The following SGCZ variants were observed in gnomAD, a reference collection of about 807,000 sequenced individuals.
The protein encoded by SGCZ is sarcoglycan zeta.
Under a neutral mutation model 41.3 loss-of-function variants are expected in SGCZ, and 40 were observed. The ratio of observed to expected loss-of-function variants is 0.97; its 90% CI spans 0.75 to 1.26. SGCZ has a LOEUF of 1.26. Among genes scored for constraint, SGCZ ranks in the 50% most tolerant of loss-of-function variants. The probability of loss-of-function intolerance (pLI) is 0.00; values close to 1 mark genes in which losing one functional copy is unlikely to be tolerated. For synonymous variants in SGCZ, 206 were observed against 137.5 expected (o/e 1.50, Z -3.49); for missense variants, 552 against 369.8 (o/e 1.49, Z -4.04).
chr8:14,152,027 A>C (rs1380235789), intron 5 of SGCZ, among the ~76,000 whole-genome samples: 1 of 152,162 alleles, frequency 6.6e-6, no homozygotes, highest in East Asian at 1.9e-4. Flanking sequence ...AGTTAGGCAC[A>C]TAGTTCTTAT....
intron 1 of SGCZ, among the ~76,000 whole-genome samples, chr8:14,823,055 T>TTA (rs1491314386): frequency 2.6e-5 from 2 of 75,488 alleles, no homozygotes; most frequent in African/African-American, 9.1e-5. Context: ...CCAATCCTCA[T>TTA]AAAAAAAAAA....
intron 1 of SGCZ, among the ~76,000 whole-genome samples, chr8:15,178,618 C>T (rs1370134295): frequency 6.6e-6 from 1 of 152,216 alleles, no homozygotes; most frequent in Non-Finnish European, 1.5e-5. Context: ...ACTTATTCAT[C>T]TTGCTCAGCT....
chr8:14,808,489 T>C (rs1218515073), intron 1 of SGCZ, among the ~76,000 whole-genome samples: 1 of 152,048 alleles, frequency 6.6e-6, no homozygotes. Context: ...AAAATGATCA[T>C]CACTGGCCAT....
chr8:14,359,982 A>G (rs1004279606), intron 2 of SGCZ, among the ~76,000 whole-genome samples: 2 of 152,338 alleles, frequency 1.3e-5, no homozygotes, highest in East Asian at 1.9e-4. Flanking sequence ...AATGTGATAT[A>G]TCATATCAAC....
intron 5 of SGCZ, among the ~76,000 whole-genome samples, chr8:14,158,195 T>C (rs1803934796): frequency 6.6e-6 from 1 of 152,186 alleles, no homozygotes; most frequent in African/African-American, 2.4e-5. Context: ...ATTCATACTT[T>C]GTACAGTACA....
chr8:14,926,790 G>T (rs185926807), intron 1 of SGCZ, among the ~76,000 whole-genome samples: 2 of 151,882 alleles, frequency 1.3e-5, no homozygotes, highest in East Asian at 3.9e-4. Flanking sequence ...ACAGGCATGC[G>T]CCACCACACC....
intron 1 of SGCZ, among the ~76,000 whole-genome samples, chr8:14,791,438 T>C (rs904665179): frequency 6.6e-6 from 1 of 151,880 alleles, no homozygotes; most frequent in Admixed American, 6.6e-5. Flanking sequence ...TGAACAAATC[T>C]AGCTCACACA....
chr8:14,635,276 CT>C (rs1213144434), intron 1 of SGCZ, among the ~76,000 whole-genome samples: 1 of 151,764 alleles, frequency 6.6e-6, no homozygotes, highest in Non-Finnish European at 1.5e-5. Flanking sequence ...AATCTGTTGT[CT>C]TTCTTATGAA....
In SGCZ at chr8:14,862,579, T is replaced by TAC. The variant is rs1554513574; in HGVS notation, c.40-307654_40-307653insGT. Among the ~76,000 whole-genome samples, 97 of 96,062 alleles carry TAC rather than the reference T, an allele frequency of 1.0e-3. 2 individuals carry two copies. Among genetic ancestry groups the TAC allele is most frequent in the Admixed American group, 2.6e-3 (23 of 8,974 alleles). 63.0% of individuals were successfully genotyped at this position (96,062 alleles called of 152,430 possible). A position where few individuals can be genotyped will look rare whatever the true frequency, so the allele number is the denominator to read the frequency against. On this transcript the variant is annotated intron_variant, in intron 1 of 7. Transcript: ENST00000382080. ...ATATATATATATATATATATATATATATACACACACAATTGCAAAACATAC... is the reference window on the plus strand; with the variant it reads ...ATATATATATATATATATATATATATACATACACACACAATTGCAAAACATAC...
At chr8:15,013,590 G>T (rs754560491) in intron 1 of SGCZ, among the ~76,000 whole-genome samples, 1 of 152,068 alleles carries the variant, frequency 6.6e-6, no homozygotes, top group Non-Finnish European at 1.5e-5. Flanking sequence ...GTGAAAGGCT[G>T]CATGGTGTTG....
chr8:14,462,089 A>G (rs984813699), intron 2 of SGCZ, among the ~76,000 whole-genome samples: 1 of 152,054 alleles, frequency 6.6e-6, no homozygotes, highest in Non-Finnish European at 1.5e-5. Context: ...ATATCATTCT[A>G]TATTATCCAG....
chr8:14,746,251 C>A (rs971709548), intron 1 of SGCZ, among the ~76,000 whole-genome samples: 3 of 151,984 alleles, frequency 2.0e-5, no homozygotes, highest in African/African-American at 4.8e-5. Context: ...CTTTTTATTC[C>A]ATTTGTTCTT....
At chr8:14,205,924 T>G (rs1455363278) in intron 4 of SGCZ, among the ~76,000 whole-genome samples, 1 of 152,164 alleles carries the variant, frequency 6.6e-6, no homozygotes, top group African/African-American at 2.4e-5. Context: ...CATTTTTCTC[T>G]ATTTTACATA....
At position 15,035,313 on chromosome 8, in the gene SGCZ, T is replaced by C. The variant is rs74933598; in HGVS notation, c.39+202272A>G. Among the ~76,000 whole-genome samples the C allele has an allele frequency of 4.5e-3, 679 of 152,194 alleles. 9 individuals carry two copies. The highest frequency in any genetic ancestry group is 0.014 in the African/African-American group (561 of 41,548). On this transcript the variant is annotated intron_variant, in intron 1 of 7. Transcript: ENST00000382080. ...AACTATAAAATGCTTTATATAAGCTTCATAGTAACCATAAAGCAAAAGTCT... is the reference window on the plus strand; with the variant it reads ...AACTATAAAATGCTTTATATAAGCTCCATAGTAACCATAAAGCAAAAGTCT...
At chr8:14,936,010 C>T (rs752569031) in intron 1 of SGCZ, among the ~76,000 whole-genome samples, 5 of 151,782 alleles carry the variant, frequency 3.3e-5, no homozygotes, top group South Asian at 2.1e-4. Context: ...ATTAAATGAT[C>T]GATTCACTAA....
intron 1 of SGCZ, among the ~76,000 whole-genome samples, chr8:15,216,563 T>C (rs1017629147): frequency 6.6e-6 from 1 of 152,028 alleles, no homozygotes. Flanking sequence ...AAAGACCCTG[T>C]ACAAGTTGTG....
chr8:14,222,283 C>T (rs1287951717), intron 4 of SGCZ, among the ~76,000 whole-genome samples: 1 of 151,850 alleles, frequency 6.6e-6, no homozygotes, highest in Non-Finnish European at 1.5e-5. Context: ...CAATTATCTG[C>T]CTCAGCCTCC....
intron 6 of SGCZ, 43 bp downstream of exon 6, chr8:14,108,120 C>T: frequency 1.3e-6 from 2 of 1,566,588 alleles, no homozygotes; most frequent in Non-Finnish European, 1.8e-6. Flanking sequence ...GGATTATCAA[C>T]AATGATGGAT....
intron 2 of SGCZ, among the ~76,000 whole-genome samples, chr8:14,476,045 A>T (rs1231382430): frequency 1.3e-5 from 2 of 151,902 alleles, no homozygotes; most frequent in Admixed American, 1.3e-4. Context: ...GCCTCAAGCA[A>T]ATCTTCTACC....
Sources: allele counts gnomAD v4.1 joint callset (sites outside exome capture counted in the v4.1 genomes callset), GRCh38; gene constraint gnomAD v4.1.1; transcripts MANE v1.5; gene names NCBI Gene and HGNC (gene_info 2026-07-23, HGNC 2026-07-21).